The following COL9A1 variants were observed in gnomAD, a reference collection of about 807,000 sequenced individuals.
The protein encoded by COL9A1 is collagen alpha-1(IX) chain.
A neutral mutation model predicts 142.6 loss-of-function variants in COL9A1; 104 were observed. The observed-to-expected ratio is 0.73, with a 90% CI of 0.62 to 0.86. The LOEUF (loss-of-function observed/expected upper bound fraction) is 0.86, where lower values mean the gene tolerates loss of function less well. Among genes scored for constraint, COL9A1 ranks in the 40% least tolerant of loss-of-function variants. The pLI is 0.00. For synonymous variants in COL9A1, 466 were observed against 396.0 expected (o/e 1.18, Z -2.10); for missense variants, 1,210 against 1,176.6 (o/e 1.03, Z -0.42).
At chr6:70,221,191 A>C (rs7739562) in intron 37 of COL9A1, among the ~76,000 whole-genome samples, 35,825 of 151,980 alleles carry the variant, frequency 0.24, 5,065 homozygotes, top group East Asian at 0.44. Context: ...TCTCGGCTGG[A>C]TCATTCTGGA....
chr6:70,262,614 T>A (rs1405789348), intron 19 of COL9A1, among the ~76,000 whole-genome samples: 1 of 152,204 alleles, frequency 6.6e-6, no homozygotes, highest in Non-Finnish European at 1.5e-5. Flanking sequence ...TTGTCATTAC[T>A]CATTTTAACA....
chr6:70,271,038 T>C (rs1227584232), intron 14 of COL9A1, among the ~76,000 whole-genome samples: 1 of 152,248 alleles, frequency 6.6e-6, no homozygotes. Context: ...TCATTTCATA[T>C]TCATTCACTT....
At chr6:70,279,662 A>AAAAAAAAAAAAC in intron 10 of COL9A1, 1 of 171,366 alleles carries the variant, frequency 5.8e-6, no homozygotes, top group Non-Finnish European at 1.2e-5. Flanking sequence ...AAAAAAAAAA[A>AAAAAAAAAAAAC]AAAAAAAACA....
intron 17 of COL9A1, among the ~76,000 whole-genome samples, chr6:70,268,132 A>T (rs926221199): frequency 1.3e-5 from 2 of 152,088 alleles, no homozygotes; most frequent in African/African-American, 4.8e-5. Context: ...GTTTTTCAAA[A>T]TTTTTTTAAC....
At chr6:70,253,536 CAA>C in intron 25 of COL9A1, 107 bp from the exon 26 acceptor site, 1 of 800,018 alleles carries the variant, frequency 1.2e-6, no homozygotes, top group Non-Finnish European at 2.2e-6. Context: ...ATGATAACCT[CAA>C]AGCTTTAATG....
intron 18 of COL9A1, among the ~76,000 whole-genome samples, chr6:70,263,590 G>A (rs1771831034): frequency 6.6e-6 from 1 of 151,862 alleles, no homozygotes; most frequent in Non-Finnish European, 1.5e-5. Context: ...AAGAGGAAGA[G>A]AGACAAAGAT....
chr6:70,222,576 C>G (rs3806066), intron 37 of COL9A1, among the ~76,000 whole-genome samples: 35,608 of 152,090 alleles, frequency 0.23, 5,048 homozygotes, highest in East Asian at 0.44. Flanking sequence ...GCATGTAATA[C>G]TTAACACTGA....
At chr6:70,280,489 C>A (rs1243664368) in intron 10 of COL9A1, 1 of 1,314,682 alleles carries the variant, frequency 7.6e-7, no homozygotes, top group Non-Finnish European at 9.7e-7. Context: ...CCATCCGTAC[C>A]CCCTCTGGCC....
At position 70,268,878 on chromosome 6, in the gene COL9A1, A is replaced by G. The variant is rs1772215679; in HGVS notation, c.1231-18T>C. ...TTGGGACACTGCCAGGGAGAGAGGGAACAAAGAGAAAGAAAGACAGACAGA... is the reference window on the plus strand; with the variant it reads ...TTGGGACACTGCCAGGGAGAGAGGGGACAAAGAGAAAGAAAGACAGACAGA... On this transcript the variant is annotated intron_variant, in intron 16 of 37. Coordinates refer to ENST00000357250, the MANE Select transcript of COL9A1 (RefSeq NM_001851.6). 6.2e-7 allele frequency: 1 copy of G among 1,612,928 alleles called. No individual in the cohort carries two copies. The highest frequency in any genetic ancestry group is 8.5e-7 in the Non-Finnish European group (1 of 1,179,272).
intron 37 of COL9A1, 101 bp from the exon 38 acceptor site, chr6:70,217,182 A>C (rs1768575214): frequency 8.7e-7 from 1 of 1,153,148 alleles, no homozygotes; most frequent in Non-Finnish European, 1.3e-6. Context: ...GGGTTTAACA[A>C]ACGCTTTTGG....
chr6:70,266,712 C>T lies in COL9A1; in HGVS notation c.1341+5G>A, dbSNP rs794727203. 3 of 1,611,520 alleles carry T rather than the reference C, an allele frequency of 1.9e-6. No homozygotes were observed. Among genetic ancestry groups the T allele is most frequent in the Non-Finnish European group, 2.5e-6 (3 of 1,177,922 alleles). On this transcript the variant is annotated splice_donor_5th_base_variant and intron_variant, in intron 18 of 37. Coordinates refer to ENST00000357250, the MANE Select transcript of COL9A1 (RefSeq NM_001851.6). ...ATTTATCCACTAAATACCCATTTTC[C>T]TTACCTTGTGTCCTTGTCTTCCTGG...
At chr6:70,255,707 GCTAA>G (rs1280820918) in intron 21 of COL9A1, among the ~76,000 whole-genome samples, 1 of 152,180 alleles carries the variant, frequency 6.6e-6, no homozygotes, top group Non-Finnish European at 1.5e-5. Context: ...GTACATATCA[GCTAA>G]CTTCATTGAC....
At chr6:70,297,651 A>T (rs974568413) in intron 4 of COL9A1, among the ~76,000 whole-genome samples, 1 of 152,160 alleles carries the variant, frequency 6.6e-6, no homozygotes, top group Non-Finnish European at 1.5e-5. Context: ...GATTTATTTT[A>T]TTATATTACA....
At chr6:70,284,840 A>G (rs1438651935) in intron 5 of COL9A1, among the ~76,000 whole-genome samples, 2 of 152,192 alleles carry the variant, frequency 1.3e-5, no homozygotes, top group Non-Finnish European at 2.9e-5. Context: ...CTTTCATGCA[A>G]TAGAGATTTC....
At position 70,256,156 on chromosome 6, in the gene COL9A1, C is replaced by A. The variant is rs528386919; in HGVS notation, c.1503+612G>T. Among the ~76,000 whole-genome samples the A allele has an allele frequency of 1.6e-3, 242 of 152,350 alleles. 2 individuals are homozygous for A. The South Asian group carries it at 0.019, about 12-fold the overall frequency. On this transcript the variant is annotated intron_variant, in intron 21 of 37. Transcript: ENST00000357250. ...TTCAAACCAACCTCCCCCTCAGGTC[C>A]TCTTACATGGATTACATCTATCCTG...
chr6:70,242,255 C>T (rs1051689410), intron 29 of COL9A1: 34 of 603,994 alleles, frequency 5.6e-5, no homozygotes, highest in African/African-American at 4.6e-4. Flanking sequence ...CCTCAGTTCC[C>T]CTTGCACTCC....
rs772825397 is a variant in COL9A1 at position 70,270,366 on chromosome 6, C to A, written c.1145G>T (p.Gly382Val). The change falls in exon 15 of 38, where the codon GGT becomes GTT. Residue 382 changes from glycine to valine, a missense_variant and splice_region_variant. By Grantham distance (109) the Gly-to-Val change is moderately radical. Coordinates refer to ENST00000357250, the MANE Select transcript of COL9A1 (RefSeq NM_001851.6). Reference sequence around the variant, plus strand: ...AGGTGGTCCTCTTCTCCCAGGGTCACCCTAAGTTATTTGAAAATTGCGACA... The same window carrying A: ...AGGTGGTCCTCTTCTCCCAGGGTCAACCTAAGTTATTTGAAAATTGCGACA... ...PGELGRVGPV[G>V]DPGRRGPPGP... The A allele has an allele frequency of 6.2e-7, 1 of 1,613,380 alleles. No individual in the cohort carries two copies. Among genetic ancestry groups the A allele is most frequent in the Non-Finnish European group, 8.5e-7 (1 of 1,179,704 alleles).
At position 70,274,775 on chromosome 6, in the gene COL9A1, A is replaced by G; in HGVS notation, c.976-3T>C. On this transcript the variant is annotated splice_region_variant and splice_polypyrimidine_tract_variant and intron_variant, in intron 10 of 37. Coordinates refer to ENST00000357250, the MANE Select transcript of COL9A1 (RefSeq NM_001851.6). ...GATCCATCAGGTCCTGTTAATCCCTAATAGAGCAAGACAATGATGTTAGAA... is the reference window on the plus strand; with the variant it reads ...GATCCATCAGGTCCTGTTAATCCCTGATAGAGCAAGACAATGATGTTAGAA... The G allele has an allele frequency of 6.2e-7, 1 of 1,611,360 alleles. No homozygotes were observed. Among genetic ancestry groups the G allele is most frequent in the Non-Finnish European group, 8.5e-7 (1 of 1,177,708 alleles).
At chr6:70,220,017 C>A (rs1007217409) in intron 37 of COL9A1, among the ~76,000 whole-genome samples, 1 of 152,006 alleles carries the variant, frequency 6.6e-6, no homozygotes, top group Non-Finnish European at 1.5e-5. Flanking sequence ...TGCTGCTTAT[C>A]CTCTGAAGGA....
Sources: allele counts gnomAD v4.1 joint callset (sites outside exome capture counted in the v4.1 genomes callset), GRCh38; gene constraint gnomAD v4.1.1; transcripts MANE v1.5; gene names NCBI Gene and HGNC (gene_info 2026-07-23, HGNC 2026-07-21).